The following VEZT variants were observed in gnomAD, a reference collection of about 807,000 sequenced individuals.
The protein encoded by VEZT is vezatin.
In VEZT, 39 loss-of-function variants were observed where a neutral mutation model predicts 79.9. The ratio of observed to expected loss-of-function variants is 0.49; its 90% confidence interval spans 0.38 to 0.64. The LOEUF (loss-of-function observed/expected upper bound fraction) is 0.64, where lower values mean the gene tolerates loss of function less well. Among genes scored for constraint, VEZT ranks in the 30% least tolerant of loss-of-function variants. The pLI, the probability that VEZT is intolerant of heterozygous loss-of-function variation, is 0.00. For missense variants in VEZT, 837 were observed against 893.1 expected (o/e 0.94, Z 0.80); for synonymous variants, 325 against 327.6 (o/e 0.99, Z 0.09).
intron 1 of VEZT, among the ~76,000 whole-genome samples, chr12:95,223,926 C>A (rs2058017290): frequency 6.6e-6 from 1 of 152,026 alleles, no homozygotes; most frequent in Non-Finnish European, 1.5e-5. Context: ...AACCTAAATG[C>A]CCAAAATAAC....
chr12:95,268,354 CG>C (rs1448108223), intron 5 of VEZT, among the ~76,000 whole-genome samples: 1 of 151,832 alleles, frequency 6.6e-6, no homozygotes, highest in Non-Finnish European at 1.5e-5. Flanking sequence ...AGAAATTAGC[CG>C]GGCGTGGTGG....
At chr12:95,257,588 G>T (rs2063665775) in intron 3 of VEZT, among the ~76,000 whole-genome samples, 3 of 152,124 alleles carry the variant, frequency 2.0e-5, no homozygotes, top group Admixed American at 2.0e-4. Flanking sequence ...ATTTCCCAAA[G>T]ACTCGAAACA....
chr12:95,267,791 G>T (rs946419468), intron 5 of VEZT, among the ~76,000 whole-genome samples: 1 of 152,152 alleles, frequency 6.6e-6, no homozygotes, highest in Non-Finnish European at 1.5e-5. Context: ...GGAGGTCGAG[G>T]CATGAGGATC....
chr12:95,228,036 C>T lies in VEZT; in HGVS notation c.36+10150C>T, dbSNP rs565086248. On this transcript the variant is annotated intron_variant, in intron 1 of 11. Transcript: ENST00000436874. ...TGGTGTTTGTTTAAATTCCTTCTTC[C>T]TCTTTTCTTTTCTTCCTGGCTGAGA... is the stretch of plus-strand genomic sequence containing the variant. 1.1e-4 allele frequency among the ~76,000 whole-genome samples: 16 copies of T among 152,260 alleles called. No individual in the cohort carries two copies. In the South Asian group the frequency reaches 1.9e-3, roughly 18 times the overall value.
intron 7 of VEZT, among the ~76,000 whole-genome samples, chr12:95,280,162 T>C (rs760756712): frequency 6.6e-6 from 1 of 152,128 alleles, no homozygotes; most frequent in Non-Finnish European, 1.5e-5. Context: ...ATCTCTCAAC[T>C]CAGCAGACAG....
chr12:95,285,998 T>TTG (rs1400546494), intron 8 of VEZT, among the ~76,000 whole-genome samples: 1 of 141,870 alleles, frequency 7.0e-6, no homozygotes, highest in Non-Finnish European at 1.5e-5. Flanking sequence ...TTTTTTTTTT[T>TTG]TTTTTTTTTT....
At chr12:95,299,332 A>G (rs1285475895) in intron 11 of VEZT, 1 of 154,218 alleles carries the variant, frequency 6.5e-6, no homozygotes, top group East Asian at 1.9e-4. Context: ...TGCTGGGATG[A>G]GCGACTGCCT....
intron 5 of VEZT, among the ~76,000 whole-genome samples, chr12:95,267,019 T>C (rs942157219): frequency 6.6e-6 from 1 of 152,244 alleles, no homozygotes; most frequent in Non-Finnish European, 1.5e-5. Context: ...GTATCTGCTA[T>C]AAATGCATTT....
rs1043384550 is a variant in VEZT, at chr12:95,301,329, C to T, written c.*656C>T. On this transcript the variant is annotated 3_prime_UTR_variant, in exon 12 of 12. Coordinates refer to ENST00000436874, the MANE Select transcript of VEZT (RefSeq NM_017599.4). Reference sequence around the variant, plus strand: ...AATATTGTACCATTTTTTAGAATTACACTTTCACCTTTCTTTTTGCAATTG... The same window carrying T: ...AATATTGTACCATTTTTTAGAATTATACTTTCACCTTTCTTTTTGCAATTG... 6 of 152,114 alleles carry T rather than the reference C, an allele frequency of 3.9e-5. No individual in the cohort carries two copies. Among genetic ancestry groups the T allele is most frequent in the Non-Finnish European group, 7.3e-5 (5 of 68,038 alleles). The allele number at this position is 152,114 out of a possible 1,614,324, so 9.4% of individuals were successfully genotyped here.
At chr12:95,277,074 T>C (rs1408407283) in intron 7 of VEZT, among the ~76,000 whole-genome samples, 2 of 151,576 alleles carry the variant, frequency 1.3e-5, no homozygotes, top group African/African-American at 4.8e-5. Context: ...CATCATTTCA[T>C]ACTTAGGCTG....
chr12:95,281,628 G>A (rs571857330), intron 7 of VEZT, among the ~76,000 whole-genome samples: 1 of 150,640 alleles, frequency 6.6e-6, no homozygotes, highest in South Asian at 2.1e-4. Context: ...TCACTGTAAC[G>A]TCTGCCTCCC....
intron 8 of VEZT, among the ~76,000 whole-genome samples, chr12:95,287,463 G>A (rs531336949): frequency 1.3e-5 from 2 of 152,050 alleles, no homozygotes; most frequent in African/African-American, 2.4e-5. Context: ...TACCATGCTC[G>A]GCTAATTTTT....
intron 8 of VEZT, among the ~76,000 whole-genome samples, chr12:95,284,523 G>A (rs963031905): frequency 2.7e-4 from 41 of 152,114 alleles, no homozygotes; most frequent in African/African-American, 9.4e-4. Flanking sequence ...GACTGGTTTC[G>A]GAGTCATAGC....
At chr12:95,267,897 T>C (rs1198478070) in intron 5 of VEZT, among the ~76,000 whole-genome samples, 1 of 152,034 alleles carries the variant, frequency 6.6e-6, no homozygotes, top group Non-Finnish European at 1.5e-5. Context: ...GGCACACACC[T>C]GTAGTCCCAG....
At chr12:95,296,507 G>A (rs1420891899) in intron 11 of VEZT, 1 of 296,386 alleles carries the variant, frequency 3.4e-6, no homozygotes, top group African/African-American at 2.2e-5. Context: ...TTTTAGAATG[G>A]GCAGTGAGTT....
chr12:95,246,093 C>A (rs143170047), intron 1 of VEZT, among the ~76,000 whole-genome samples: 13 of 152,232 alleles, frequency 8.5e-5, no homozygotes, highest in African/African-American at 3.1e-4. Flanking sequence ...CTTTATACAT[C>A]TGGGAGATCT....
intron 1 of VEZT, chr12:95,224,124 C>T (rs1367792721): frequency 6.6e-6 from 3 of 455,632 alleles, no homozygotes; most frequent in Non-Finnish European, 1.3e-5. Context: ...CATAATTCCA[C>T]CCTGATCATT....
intron 7 of VEZT, among the ~76,000 whole-genome samples, chr12:95,281,245 T>TA (rs2069017679): frequency 1.3e-5 from 2 of 152,110 alleles, no homozygotes; most frequent in South Asian, 4.1e-4. Flanking sequence ...CCTATGAACA[T>TA]ATTCAGACTG....
intron 7 of VEZT, among the ~76,000 whole-genome samples, chr12:95,276,321 A>G (rs1287580040): frequency 1.6e-5 from 2 of 125,840 alleles, no homozygotes; most frequent in African/African-American, 3.2e-5. Flanking sequence ...GCTGGAGTAC[A>G]GTGTGGCTCA....
Sources: gnomAD v4.1 joint callset for allele counts (sites outside exome capture counted in the v4.1 genomes callset) on GRCh38, gnomAD v4.1.1 for gene constraint, MANE v1.5 for transcripts, NCBI Gene and HGNC (gene_info 2026-07-23, HGNC 2026-07-21) for gene names.